Variants in TUSC3 observed in about 807,000 individuals in gnomAD.
TUSC3 encodes tumor suppressor candidate 3, also known as dolichyl-diphosphooligosaccharide--protein glycosyltransferase subunit TUSC3.
Under a neutral mutation model 44.8 loss-of-function variants are expected in TUSC3, and 45 were observed. The ratio of observed to expected loss-of-function variants is 1.00; its 90% CI spans 0.79 to 1.29. TUSC3 has a LOEUF of 1.29. Ranked by LOEUF, TUSC3 falls within the 50% of genes most tolerant of loss-of-function variation. The pLI is 0.00. For missense variants in TUSC3, 519 were observed against 437.9 expected, an observed-to-expected ratio of 1.19 and a Z score of -1.65; for synonymous variants, 212 against 152.9, an observed-to-expected ratio of 1.39 and a Z score of -2.85.
intron 2 of TUSC3, among the ~76,000 whole-genome samples, chr8:15,509,086 A>AG (rs1334426984): frequency 6.6e-6 from 1 of 152,180 alleles, no homozygotes; most frequent in African/African-American, 2.4e-5. Context: ...GAAGAAGCTG[A>AG]GGGGGAGAGA....
intron 2 of TUSC3, among the ~76,000 whole-genome samples, chr8:15,531,250 T>G (rs1225198937): frequency 6.6e-6 from 1 of 152,194 alleles, no homozygotes; most frequent in Non-Finnish European, 1.5e-5. Context: ...CTTTCATTCC[T>G]GCTCTAAAGC....
At chr8:15,473,212 G>A (rs1439982713) in intron 1 of TUSC3, among the ~76,000 whole-genome samples, 1 of 152,114 alleles carries the variant, frequency 6.6e-6, no homozygotes, top group African/African-American at 2.4e-5. Flanking sequence ...ATTATATTTG[G>A]AAGATGTGGT....
the TUSC3 span, among the ~76,000 whole-genome samples, chr8:15,839,098 G>T: frequency 6.6e-6 from 1 of 151,992 alleles, no homozygotes; most frequent in Non-Finnish European, 1.5e-5. Flanking sequence ...GGATTCCTAG[G>T]TATTTTCTTC....
the TUSC3 span, chr8:15,806,928 T>G: frequency 7.0e-7 from 1 of 1,432,812 alleles, no homozygotes; most frequent in South Asian, 1.1e-5. Flanking sequence ...ATCTGCACCA[T>G]GTTTCTTCTC....
At chr8:15,782,579 A>T in the TUSC3 span, among the ~76,000 whole-genome samples, 1 of 152,248 alleles carries the variant, frequency 6.6e-6, no homozygotes, top group Non-Finnish European at 1.5e-5. Flanking sequence ...TGGCTCAACA[A>T]CATGCACAAA....
At chr8:15,824,455 C>T in the TUSC3 span, among the ~76,000 whole-genome samples, 3 of 133,356 alleles carry the variant, frequency 2.2e-5, no homozygotes, top group Non-Finnish European at 5.1e-5. Context: ...CATGTCCCCA[C>T]AAAGGACATG....
At chr8:15,684,862 C>A (rs1808565441) in intron 6 of TUSC3, among the ~76,000 whole-genome samples, 1 of 152,106 alleles carries the variant, frequency 6.6e-6, no homozygotes. Context: ...TCCTAGACCT[C>A]CAGCAAAACA....
chr8:15,757,249 T>C (rs1811964104), intron 9 of TUSC3, among the ~76,000 whole-genome samples: 1 of 152,180 alleles, frequency 6.6e-6, no homozygotes, highest in East Asian at 1.9e-4. Context: ...AGAAAGTGGC[T>C]TCCATTGTCT....
At chr8:15,636,672 T>G (rs1420032291) in intron 2 of TUSC3, among the ~76,000 whole-genome samples, 1 of 152,218 alleles carries the variant, frequency 6.6e-6, no homozygotes, top group Non-Finnish European at 1.5e-5. Context: ...TGCTGAACAT[T>G]TGCAGTGCAG....
chr8:15,804,139 C>T, the TUSC3 span, among the ~76,000 whole-genome samples: 267 of 152,268 alleles, frequency 1.8e-3, 2 homozygotes, highest in East Asian at 0.025. Context: ...TCTTCCACAA[C>T]GGTTGAACTA....
intron 1 of TUSC3, among the ~76,000 whole-genome samples, chr8:15,622,399 C>G (rs1402528756): frequency 1.3e-5 from 2 of 151,752 alleles, no homozygotes; most frequent in Non-Finnish European, 2.9e-5. Flanking sequence ...TCCCAAAGTG[C>G]TAGGATTACA....
intron 1 of TUSC3, among the ~76,000 whole-genome samples, chr8:15,569,809 C>A (rs1043046020): frequency 1.3e-5 from 2 of 151,872 alleles, no homozygotes; most frequent in Non-Finnish European, 2.9e-5. Context: ...ATTCAAATAC[C>A]GTGTCACACT....
intron 1 of TUSC3, among the ~76,000 whole-genome samples, chr8:15,570,176 T>G (rs187987017): frequency 1.6e-3 from 238 of 152,102 alleles, no homozygotes; most frequent in Non-Finnish European, 3.1e-3. Context: ...ATTTTGCATG[T>G]TATATGTCAT....
rs557579844 is a variant in TUSC3, at chr8:15,764,267, G to C, written c.*111G>C. ...TGAATGTTTACCATGAAGATAAACT[G>C]TTCCTGACTTTATACTATTTTGAAT... On this transcript the variant is annotated 3_prime_UTR_variant, in exon 11 of 11. Transcript: ENST00000503731. The C allele has an allele frequency of 5.1e-6, 8 of 1,577,368 alleles. No individual in the cohort carries two copies. Among genetic ancestry groups the C allele is most frequent in the African/African-American group, 4.1e-5 (3 of 74,020 alleles).
At chr8:15,427,221 G>GC (rs1563248154) in intron 1 of TUSC3, among the ~76,000 whole-genome samples, 3 of 60,574 alleles carry the variant, frequency 5.0e-5, no homozygotes, top group East Asian at 4.2e-4. Context: ...CGGTGCAGAA[G>GC]GTTTTTCCTT....
intron 1 of TUSC3, among the ~76,000 whole-genome samples, chr8:15,541,997 TCAA>T (rs1000822320): frequency 7.0e-6 from 1 of 142,256 alleles, no homozygotes; most frequent in African/African-American, 2.5e-5. Context: ...CTGACCTTAA[TCAA>T]TTTTTTTTTT....
chr8:15,523,704 G>GTATATATATATATATA (rs1563273688), intron 2 of TUSC3, among the ~76,000 whole-genome samples: 2 of 112,590 alleles, frequency 1.8e-5, no homozygotes, highest in African/African-American at 4.0e-5. Context: ...GTGTGTGTGT[G>GTATATATATATATATA]TGTGTATATA....
chr8:15,441,362 G>A (rs938676463), intron 1 of TUSC3, among the ~76,000 whole-genome samples: 3 of 152,172 alleles, frequency 2.0e-5, no homozygotes, highest in East Asian at 1.9e-4. Context: ...AGCCGAGATC[G>A]CGTCACTGCA....
chr8:15,827,994 CTT>C, the TUSC3 span, among the ~76,000 whole-genome samples: 14,725 of 138,050 alleles, frequency 0.11, 799 homozygotes, highest in East Asian at 0.26. Flanking sequence ...AATTTGGTAT[CTT>C]TTTTTTTTTT....
Sources: gnomAD v4.1 joint callset for allele counts (sites outside exome capture counted in the v4.1 genomes callset) on GRCh38, gnomAD v4.1.1 for gene constraint, MANE v1.5 for transcripts, NCBI Gene and HGNC (gene_info 2026-07-23, HGNC 2026-07-21) for gene names.